The following CACNA2D4 variants were observed in gnomAD, a reference collection of about 807,000 sequenced individuals.
CACNA2D4 encodes calcium voltage-gated channel auxiliary subunit alpha2delta 4.
Under a neutral mutation model 163.8 loss-of-function variants are expected in CACNA2D4, and 157 were observed. The observed-to-expected ratio is 0.96, with a 90% confidence interval of 0.84 to 1.09. The LOEUF (loss-of-function observed/expected upper bound fraction) is 1.09. CACNA2D4 is among the 50% of genes least tolerant of loss of function. CACNA2D4 has a pLI of 0.00. For missense variants in CACNA2D4, 1,410 were observed against 1,479.9 expected (o/e 0.95, Z 0.78); for synonymous variants, 598 against 586.9 (o/e 1.02, Z -0.27).
At chr12:1,819,451 C>T (rs1864007750) in intron 26 of CACNA2D4, among the ~76,000 whole-genome samples, 1 of 152,050 alleles carries the variant, frequency 6.6e-6, no homozygotes, top group African/African-American at 2.4e-5. Context: ...CTACACCCAC[C>T]CCAGTCCTGG....
At chr12:1,848,848 T>A (rs1218109817) in intron 23 of CACNA2D4, among the ~76,000 whole-genome samples, 1 of 152,140 alleles carries the variant, frequency 6.6e-6, no homozygotes, top group Admixed American at 6.5e-5. Flanking sequence ...GCTCAAACGA[T>A]CCTCTCGCCT....
In CACNA2D4 at chr12:1,828,259, G is replaced by T; in HGVS notation, c.2551+12480C>A. ...TCGGAGGGGGGTGCGGGTTGGGTGG[G>T]GGTGCCGAGGTGACTGTAGGTAGCG... On this transcript the variant is annotated intron_variant, in intron 26 of 37. Coordinates refer to ENST00000382722, the MANE Select transcript of CACNA2D4 (RefSeq NM_172364.5). The surrounding 1 kb of genome is among the most constrained non-coding windows in gnomAD (Gnocchi z 4.2). 2 of 1,493,484 alleles carry T rather than the reference G, an allele frequency of 1.3e-6. No individual in the cohort carries two copies. Among genetic ancestry groups the T allele is most frequent in the Non-Finnish European group, 1.8e-6 (2 of 1,109,542 alleles). The allele number at this position is 1,493,484 out of a possible 1,614,324, so 92.5% of individuals were successfully genotyped here.
In CACNA2D4 at chr12:1,850,598, C is replaced by CT. The variant is rs1254261307; in HGVS notation, c.2246+3352dup. On this transcript the variant is annotated intron_variant, in intron 23 of 37. Coordinates refer to ENST00000382722, the MANE Select transcript of CACNA2D4 (RefSeq NM_172364.5). ...TTCTGCCATAGAAACATATTTTTTT[C>CT]TTTTTTTTAAAAAAAGATGAGGTTG... Among the ~76,000 whole-genome samples the CT allele has an allele frequency of 4.6e-5, 7 of 151,704 alleles. No homozygotes were observed. In the South Asian group the frequency reaches 6.2e-4, roughly 13 times the overall value.
At chr12:1,831,348 G>C (rs41276696) in intron 26 of CACNA2D4, 6 of 1,613,824 alleles carry the variant, frequency 3.7e-6, no homozygotes, top group South Asian at 1.1e-5. Context: ...TGGTCTTTTC[G>C]ACGGGCTCCT....
At chr12:1,818,260 CT>C (rs1404995527) in intron 26 of CACNA2D4, among the ~76,000 whole-genome samples, 1 of 151,762 alleles carries the variant, frequency 6.6e-6, no homozygotes, top group Non-Finnish European at 1.5e-5. Flanking sequence ...ACCACCCAGT[CT>C]GGGAGGTGTG....
At chr12:1,907,843 G>A in intron 5 of CACNA2D4, 32 bp downstream of exon 5, 1 of 1,612,302 alleles carries the variant, frequency 6.2e-7, no homozygotes, top group African/African-American at 1.3e-5. Context: ...GGCGTGCCTG[G>A]TGAGTGTGCC....
Position 1,799,802 on chromosome 12 carries a change from G to T in CACNA2D4, c.2975-107C>A. 7.1e-7 allele frequency: 1 copy of T among 1,417,400 alleles called. No homozygotes were observed. The highest frequency in any genetic ancestry group is 9.7e-7 in the Non-Finnish European group (1 of 1,027,092). 87.8% of individuals were successfully genotyped at this position (1,417,400 alleles called of 1,614,324 possible). On this transcript the variant is annotated intron_variant, in intron 33 of 37. Coordinates refer to ENST00000382722, the MANE Select transcript of CACNA2D4 (RefSeq NM_172364.5). This position sits in a 1 kb window ranked among gnomAD's most constrained non-coding sequence, Gnocchi z 4.7. Reference sequence around the variant, plus strand: ...GGTGATGATGGCACATGGAGTGGCGGTGTCCCAAGATGATGTCACACACAG... The same window carrying T: ...GGTGATGATGGCACATGGAGTGGCGTTGTCCCAAGATGATGTCACACACAG...
In CACNA2D4 at chr12:1,846,614, G is replaced by A. The variant is rs1367067490; in HGVS notation, c.2322C>T (p.Gly774=). The change falls in exon 24 of 38, where the codon GGC becomes GGT. Residue 774 remains glycine, a synonymous_variant. Coordinates refer to ENST00000382722, the MANE Select transcript of CACNA2D4 (RefSeq NM_172364.5). The part of the protein sequence containing the change: ...AGLLRSSLFV[G]SEKVSDRKFL... ...CCCACCTGTCGGAGACCTTCTCGGA[G>A]CCCACGAACAAGCTGCTTCTCAGGA... is the stretch of plus-strand genomic sequence containing the variant. The A allele has an allele frequency of 1.2e-6, 2 of 1,600,932 alleles. No individual in the cohort carries two copies. The highest frequency in any genetic ancestry group is 1.1e-5 in the South Asian group (1 of 88,982).
chr12:1,860,626 T>TG (rs1249440963), intron 18 of CACNA2D4, among the ~76,000 whole-genome samples: 1 of 152,190 alleles, frequency 6.6e-6, no homozygotes, highest in African/African-American at 2.4e-5. Context: ...GGGTTGAGGT[T>TG]GGGGCTGTCA....
At position 1,844,554 on chromosome 12, in the gene CACNA2D4, T is replaced by C. The variant is rs200276938; in HGVS notation, c.2343-25A>G. 8 of 1,604,096 alleles carry C rather than the reference T, an allele frequency of 5.0e-6. No homozygotes were observed. The highest frequency in any genetic ancestry group is 6.8e-6 in the Non-Finnish European group (8 of 1,173,282). ...CCTGCAAGGAGGAAGATGTGGTACCTCTCCCCAGATCTGTGAACACAGTCA... is the reference window on the plus strand; with the variant it reads ...CCTGCAAGGAGGAAGATGTGGTACCCCTCCCCAGATCTGTGAACACAGTCA... On this transcript the variant is annotated intron_variant, in intron 24 of 37. Transcript: ENST00000382722. The surrounding 1 kb of genome is among the most constrained non-coding windows in gnomAD (Gnocchi z 4.2).
Position 1,883,725 on chromosome 12 carries a change from G to GTC in CACNA2D4, c.1351+516_1351+517dup, listed in dbSNP as rs1866063118. Among the ~76,000 whole-genome samples, 1 of 152,160 alleles carries GTC rather than the reference G, an allele frequency of 6.6e-6. No individual in the cohort carries two copies. The highest frequency in any genetic ancestry group is 2.1e-4 in the South Asian group (1 of 4,820). ...GCCCCCGGCACCCTGAACAGTCTGT[G>GTC]TCTCTCCACCATCAAAGCACATTTC... is the stretch of plus-strand genomic sequence containing the variant. On this transcript the variant is annotated intron_variant, in intron 12 of 37. Transcript: ENST00000382722. The surrounding 1 kb of genome is among the most constrained non-coding windows in gnomAD (Gnocchi z 4.5).
rs575121085 is a variant in CACNA2D4, at chr12:1,801,654, A to G, written c.2722-10T>C. On this transcript the variant is annotated splice_polypyrimidine_tract_variant and intron_variant, in intron 29 of 37. Transcript: ENST00000382722. ...CCAGAAATCTTCCCGTCTGTGAGAG[A>G]GGGACAGCAGAGAGAGAGGGAGGGA... The G allele has an allele frequency of 6.1e-5, 96 of 1,565,868 alleles. No homozygotes were observed. The Admixed American group carries it at 1.4e-3, about 22-fold the overall frequency.
chr12:1,805,554 T>C (rs1295540269), intron 29 of CACNA2D4, among the ~76,000 whole-genome samples: 1 of 152,206 alleles, frequency 6.6e-6, no homozygotes, highest in East Asian at 1.9e-4. Flanking sequence ...CAGCCTCACC[T>C]GCCCCTCCGT....
Position 1,828,252 on chromosome 12 carries a change from TGG to T in CACNA2D4, c.2551+12485_2551+12486del. The T allele has an allele frequency of 6.7e-7, 1 of 1,492,236 alleles. No individual in the cohort carries two copies. The highest frequency in any genetic ancestry group is 9.0e-7 in the Non-Finnish European group (1 of 1,106,960). The allele number at this position is 1,492,236 out of a possible 1,614,324, so 92.4% of individuals were successfully genotyped here. ...CCTGGCCTCGGAGGGGGGTGCGGGTTGGGTGGGGGTGCCGAGGTGACTGTAGG... is the reference window on the plus strand; with the variant it reads ...CCTGGCCTCGGAGGGGGGTGCGGGTTGTGGGGGTGCCGAGGTGACTGTAGG... On this transcript the variant is annotated intron_variant, in intron 26 of 37. Transcript: ENST00000382722. This position sits in a 1 kb window ranked among gnomAD's most constrained non-coding sequence, Gnocchi z 4.2.
At chr12:1,854,106 T>G in intron 22 of CACNA2D4, 62 bp from the exon 23 acceptor site, 8 of 1,229,924 alleles carry the variant, frequency 6.5e-6, no homozygotes, top group Non-Finnish European at 9.2e-6. Flanking sequence ...AACACAACTC[T>G]CCCATCCTAA....
rs972388966 is a variant in CACNA2D4 at position 1,802,194 on chromosome 12, T to C, written c.2722-550A>G. Among the ~76,000 whole-genome samples the C allele has an allele frequency of 2.6e-5, 4 of 151,998 alleles. No individual in the cohort carries two copies. Among genetic ancestry groups the C allele is most frequent in the Non-Finnish European group, 5.9e-5 (4 of 67,994 alleles). ...GCTGTCCCTCCATCACCTCCCACAA[T>C]CAGTGTGCCCTGTGGATCGGTCATT... On this transcript the variant is annotated intron_variant, in intron 29 of 37. Coordinates refer to ENST00000382722, the MANE Select transcript of CACNA2D4 (RefSeq NM_172364.5). This position sits in a 1 kb window ranked among gnomAD's most constrained non-coding sequence, Gnocchi z 4.7.
intron 24 of CACNA2D4, 43 bp downstream of exon 24, chr12:1,846,551 G>A (rs1434020494): frequency 2.0e-6 from 3 of 1,481,180 alleles, no homozygotes; most frequent in African/African-American, 1.4e-5. Context: ...GGCCCTCTCT[G>A]CCCTGCAGGG....
chr12:1,816,047 A>C (rs1214210866), intron 26 of CACNA2D4, among the ~76,000 whole-genome samples: 1 of 152,164 alleles, frequency 6.6e-6, no homozygotes, highest in Admixed American at 6.5e-5. Context: ...TGTCAACTGC[A>C]GTCCCACAAC....
chr12:1,862,404 A>T (rs1865544302), intron 18 of CACNA2D4, among the ~76,000 whole-genome samples: 1 of 152,146 alleles, frequency 6.6e-6, no homozygotes, highest in Admixed American at 6.5e-5. Flanking sequence ...AATTTTAGCC[A>T]CTATAGAGAA....
Sources: gnomAD v4.1 joint callset for allele counts (sites outside exome capture counted in the v4.1 genomes callset) on GRCh38, gnomAD v4.1.1 for gene constraint, Gnocchi (gnomAD v3.1) non-coding constraint, MANE v1.5 for transcripts, NCBI Gene and HGNC (gene_info 2026-07-23, HGNC 2026-07-21) for gene names.